Variants in PDE7B observed in about 807,000 individuals in gnomAD.
PDE7B encodes the protein 3',5'-cyclic-AMP phosphodiesterase 7B.
In PDE7B, 29 loss-of-function variants were observed where a neutral mutation model predicts 56.2. That is an observed-to-expected ratio of 0.52 (90% CI 0.38 to 0.70). PDE7B has a LOEUF of 0.70. PDE7B is among the 30% of genes least tolerant of loss of function. PDE7B has a pLI of 0.00. For missense variants in PDE7B, 490 were observed against 565.0 expected (o/e 0.87, Z 1.35); for synonymous variants, 197 against 196.9 (o/e 1.00, Z 0.00).
intron 1 of PDE7B, among the ~76,000 whole-genome samples, chr6:135,936,434 C>T (rs527348787): frequency 6.6e-6 from 1 of 152,236 alleles, no homozygotes; most frequent in Non-Finnish European, 1.5e-5. Context: ...GACACATCGA[C>T]CAGATGGCTG....
intron 4 of PDE7B, 122 bp from the exon 5 acceptor site, chr6:136,148,965 C>A: frequency 1.5e-6 from 1 of 678,980 alleles, no homozygotes; most frequent in South Asian, 1.8e-5. Flanking sequence ...CATTCATTTG[C>A]ACTAGATGGT....
chr6:136,144,675 T>C (rs949492907), intron 3 of PDE7B, among the ~76,000 whole-genome samples: 5 of 150,908 alleles, frequency 3.3e-5, no homozygotes, highest in Non-Finnish European at 7.4e-5. Flanking sequence ...CTGGTATTCA[T>C]TATTATGAAA....
intron 2 of PDE7B, among the ~76,000 whole-genome samples, chr6:136,047,675 C>T (rs1216299605): frequency 6.6e-6 from 1 of 152,200 alleles, no homozygotes; most frequent in Non-Finnish European, 1.5e-5. Flanking sequence ...CAGTAAGCAT[C>T]AACCAAATAG....
intron 9 of PDE7B, among the ~76,000 whole-genome samples, chr6:136,175,303 G>C (rs1778959592): frequency 6.6e-6 from 1 of 152,072 alleles, no homozygotes; most frequent in Admixed American, 6.6e-5. Flanking sequence ...TTCTATCACA[G>C]GTAAATGCTT....
intron 2 of PDE7B, among the ~76,000 whole-genome samples, chr6:136,024,365 G>A (rs771166007): frequency 4.6e-5 from 7 of 152,234 alleles, no homozygotes; most frequent in South Asian, 2.1e-4. Flanking sequence ...CATTGCTAGC[G>A]GAAATCTGCA....
chr6:136,188,879 T>C lies in PDE7B; in HGVS notation c.1126+1763T>C, dbSNP rs113789949. 1.2e-3 allele frequency among the ~76,000 whole-genome samples: 189 copies of C among 152,280 alleles called. 2 individuals carry two copies. Among genetic ancestry groups the C allele is most frequent in the African/African-American group, 4.4e-3 (182 of 41,556 alleles). On this transcript the variant is annotated intron_variant, in intron 12 of 12. Transcript: ENST00000308191. ...TGATTATAAAACAATCCTTAGTACA[T>C]AGATCTTTCTCTGCCTTTGCTCCAC...
At position 136,149,086 on chromosome 6, in the gene PDE7B, G is replaced by C; in HGVS notation, c.319-1G>C. On this transcript the variant is annotated splice_acceptor_variant, in intron 4 of 12. Transcript: ENST00000308191. LOFTEE classifies it high-confidence loss of function. ...GTGCTGTTTTTTGTTTGCCTTTTCA[G>C]CATATGCTCTCCAAAGTGGGAATGT... The C allele has an allele frequency of 6.2e-7, 1 of 1,610,062 alleles. No homozygotes were observed. Among genetic ancestry groups the C allele is most frequent in the Non-Finnish European group, 8.5e-7 (1 of 1,176,440 alleles).
chr6:135,981,556 A>T (rs1775296555), intron 2 of PDE7B, among the ~76,000 whole-genome samples: 1 of 150,066 alleles, frequency 6.7e-6, no homozygotes, highest in African/African-American at 2.4e-5. Flanking sequence ...AAAAACCGAG[A>T]CACAAATGCA....
At chr6:135,981,538 CA>C (rs112390574) in intron 2 of PDE7B, among the ~76,000 whole-genome samples, 1,907 of 137,416 alleles carry the variant, frequency 0.014, 24 homozygotes, top group Middle Eastern at 0.046. Flanking sequence ...TTTTCAATTT[CA>C]AAAAAAAAAA....
intron 3 of PDE7B, among the ~76,000 whole-genome samples, chr6:136,144,759 A>G (rs1435366064): frequency 6.6e-6 from 1 of 152,106 alleles, no homozygotes; most frequent in Non-Finnish European, 1.5e-5. Flanking sequence ...TGTTTTGTGA[A>G]GTGTCCTTCA....
At chr6:135,895,902 T>G (rs1209398822) in intron 1 of PDE7B, among the ~76,000 whole-genome samples, 1 of 152,112 alleles carries the variant, frequency 6.6e-6, no homozygotes, top group Non-Finnish European at 1.5e-5. Flanking sequence ...TCCATCACAC[T>G]CCCTAGCTCA....
At chr6:135,854,744 T>A (rs1273400555) in intron 1 of PDE7B, among the ~76,000 whole-genome samples, 1 of 152,206 alleles carries the variant, frequency 6.6e-6, no homozygotes, top group Non-Finnish European at 1.5e-5. Flanking sequence ...AATCCCCTCT[T>A]TGATTCATGA....
intron 2 of PDE7B, chr6:136,012,633 A>T (rs1483763332): frequency 1.3e-5 from 2 of 152,206 alleles, no homozygotes; most frequent in East Asian, 1.9e-4. Flanking sequence ...ACACTTACCA[A>T]ACAACCAGAT....
chr6:136,194,369 A>G lies in PDE7B; in HGVS notation c.*2529A>G, dbSNP rs1403733644. On this transcript the variant is annotated 3_prime_UTR_variant, in exon 13 of 13. Coordinates refer to ENST00000308191, the MANE Select transcript of PDE7B (RefSeq NM_018945.4). The stretch of plus-strand genomic sequence containing the variant: ...AATTAGGTCTTGAAGAAGAGCTCAC[A>G]GAGAAAAAACTACCAAATATCCAAT... 6.6e-6 allele frequency: 1 copy of G among 152,198 alleles called. No homozygotes were observed. Among genetic ancestry groups the G allele is most frequent in the African/African-American group, 2.4e-5 (1 of 41,458 alleles). The allele number at this position is 152,198 out of a possible 1,614,324, so 9.4% of individuals were successfully genotyped here.
intron 2 of PDE7B, among the ~76,000 whole-genome samples, chr6:136,003,222 A>G (rs1018496617): frequency 2.7e-4 from 41 of 152,210 alleles, no homozygotes; most frequent in African/African-American, 9.9e-4. Context: ...GGAAATTTAT[A>G]GCACTAAATG....
chr6:136,004,791 T>C (rs373207088), intron 2 of PDE7B, among the ~76,000 whole-genome samples: 6 of 151,756 alleles, frequency 4.0e-5, no homozygotes, highest in Non-Finnish European at 7.4e-5. Context: ...AGGTAATTTA[T>C]AGATTCAATG....
chr6:135,895,549 G>A (rs915813496), intron 1 of PDE7B, among the ~76,000 whole-genome samples: 2 of 152,098 alleles, frequency 1.3e-5, no homozygotes, highest in African/African-American at 2.4e-5. Flanking sequence ...TTTTTCCAAT[G>A]TAAGTTCAGT....
Position 136,008,828 on chromosome 6 carries a change from CTTTAG to C in PDE7B, c.82+61309_82+61313del, listed in dbSNP as rs1261863941. On this transcript the variant is annotated intron_variant, in intron 2 of 12. Coordinates refer to ENST00000308191, the MANE Select transcript of PDE7B (RefSeq NM_018945.4). The stretch of plus-strand genomic sequence containing the variant: ...TAGTTTCTTTTGCTGTGCAGAAGCT[CTTTAG>C]TTTAATTAGATCCCATTTGTCAATT... Among the ~76,000 whole-genome samples, 105 of 152,110 alleles carry C rather than the reference CTTTAG, an allele frequency of 6.9e-4. 1 individual carries two copies. The highest frequency in any genetic ancestry group is 2.2e-3 in the African/African-American group (90 of 41,512).
At chr6:135,932,724 G>A (rs1774316001) in intron 1 of PDE7B, among the ~76,000 whole-genome samples, 1 of 152,126 alleles carries the variant, frequency 6.6e-6, no homozygotes, top group Non-Finnish European at 1.5e-5. Context: ...TATGGTCACC[G>A]GACTGGGAAG....
Sources: gnomAD v4.1 joint callset for allele counts (sites outside exome capture counted in the v4.1 genomes callset) on GRCh38, gnomAD v4.1.1 for gene constraint, MANE v1.5 for transcripts, NCBI Gene and HGNC (gene_info 2026-07-23, HGNC 2026-07-21) for gene names.